The following CPA6 variants were observed in gnomAD, a reference collection of about 807,000 sequenced individuals.
CPA6 encodes the protein carboxypeptidase A6.
Under a neutral mutation model 63.3 loss-of-function variants are expected in CPA6, and 58 were observed. That is an observed-to-expected ratio of 0.92 (90% confidence interval 0.74 to 1.14). CPA6 has a LOEUF of 1.14. Among genes scored for constraint, CPA6 ranks in the 50% most tolerant of loss-of-function variants. CPA6 has a pLI of 0.00. For missense variants in CPA6, 565 were observed against 526.6 expected, an observed-to-expected ratio of 1.07 and a Z score of -0.71; for synonymous variants, 185 against 179.0, an observed-to-expected ratio of 1.03 and a Z score of -0.27.
intron 2 of CPA6, among the ~76,000 whole-genome samples, chr8:67,603,493 A>G (rs1814548573): frequency 6.6e-6 from 1 of 152,240 alleles, no homozygotes; most frequent in Non-Finnish European, 1.5e-5. Flanking sequence ...GACAGGATCT[A>G]TATGTTTAAA....
At chr8:67,634,038 G>A (rs1430084118) in intron 1 of CPA6, among the ~76,000 whole-genome samples, 1 of 146,628 alleles carries the variant, frequency 6.8e-6, no homozygotes, top group Non-Finnish European at 1.5e-5. Flanking sequence ...GAATGTGACT[G>A]CATTTGAAGA....
At chr8:67,477,912 C>T (rs1390851351) in intron 8 of CPA6, among the ~76,000 whole-genome samples, 2 of 152,218 alleles carry the variant, frequency 1.3e-5, no homozygotes, top group Non-Finnish European at 2.9e-5. Context: ...ATTTGGTCTT[C>T]ATCCTGTTTC....
At chr8:67,493,547 A>G (rs1212753049) in intron 6 of CPA6, among the ~76,000 whole-genome samples, 1 of 152,146 alleles carries the variant, frequency 6.6e-6, no homozygotes, top group Non-Finnish European at 1.5e-5. Context: ...AAAGTCTCCT[A>G]TTCTTATTTT....
intron 2 of CPA6, among the ~76,000 whole-genome samples, chr8:67,543,805 A>G (rs1812758043): frequency 1.4e-5 from 1 of 71,634 alleles, no homozygotes; most frequent in Non-Finnish European, 3.7e-5. Flanking sequence ...TTTTTAAGAG[A>G]CAGGGTCTTG....
At chr8:67,461,114 G>A (rs1216171880) in intron 8 of CPA6, among the ~76,000 whole-genome samples, 64 of 148,238 alleles carry the variant, frequency 4.3e-4, no homozygotes, top group African/African-American at 1.5e-3. Context: ...CGCAGAGGGG[G>A]ATTTGGCAGG....
chr8:67,671,651 G>C (rs1357096967), intron 1 of CPA6, among the ~76,000 whole-genome samples: 2 of 152,066 alleles, frequency 1.3e-5, no homozygotes, highest in Non-Finnish European at 2.9e-5. Flanking sequence ...GAAGCAGAAG[G>C]CTTCTGAAAA....
chr8:67,455,663 C>CCAAAAAA (rs1810655966), intron 8 of CPA6, among the ~76,000 whole-genome samples: 1 of 30,250 alleles, frequency 3.3e-5, no homozygotes, highest in African/African-American at 1.6e-4. Context: ...TCTACAAAAG[C>CCAAAAAA]AAAAAAAAAA....
chr8:67,629,640 G>A (rs780741254), intron 1 of CPA6, among the ~76,000 whole-genome samples: 1 of 152,120 alleles, frequency 6.6e-6, no homozygotes, highest in Non-Finnish European at 1.5e-5. Flanking sequence ...GCAGTGGTGG[G>A]TTAAATCAAG....
At chr8:67,681,215 T>A (rs1563390605) in intron 1 of CPA6, among the ~76,000 whole-genome samples, 1 of 117,624 alleles carries the variant, frequency 8.5e-6, no homozygotes, top group Non-Finnish European at 1.7e-5. Context: ...TTTTTTTTTT[T>A]TTTTTGAGAC....
intron 8 of CPA6, among the ~76,000 whole-genome samples, chr8:67,476,546 TCTCTCTC>T (rs1325867762): frequency 1.6e-5 from 2 of 123,030 alleles, no homozygotes; most frequent in Non-Finnish European, 3.2e-5. Flanking sequence ...AATCTCTCTC[TCTCTCTC>T]TTTTTTTTTT....
intron 1 of CPA6, among the ~76,000 whole-genome samples, chr8:67,673,327 G>A (rs1816389743): frequency 6.7e-6 from 1 of 148,790 alleles, no homozygotes; most frequent in Non-Finnish European, 1.5e-5. Context: ...AGTGTTGCAT[G>A]ATTTTTATTT....
chr8:67,691,683 G>A (rs1816817412), intron 1 of CPA6, among the ~76,000 whole-genome samples: 1 of 152,138 alleles, frequency 6.6e-6, no homozygotes, highest in South Asian at 2.1e-4. Flanking sequence ...AAATATCTCT[G>A]TAAAATACCT....
chr8:67,680,338 CA>C (rs34898956), intron 1 of CPA6, among the ~76,000 whole-genome samples: 1 of 151,730 alleles, frequency 6.6e-6, no homozygotes, highest in Non-Finnish European at 1.5e-5. Context: ...CCCATTTCTA[CA>C]AAAAAATGAA....
chr8:67,432,953 T>C (rs1370026880), intron 9 of CPA6, among the ~76,000 whole-genome samples: 1 of 152,200 alleles, frequency 6.6e-6, no homozygotes. Flanking sequence ...AGGGCAGTCA[T>C]GTGGGACTGA....
intron 1 of CPA6, among the ~76,000 whole-genome samples, chr8:67,733,287 C>T (rs1203732079): frequency 6.6e-6 from 1 of 150,990 alleles, no homozygotes; most frequent in East Asian, 2.0e-4. Flanking sequence ...GCCCCACCCC[C>T]AGAACTCCTG....
At position 67,700,925 on chromosome 8, in the gene CPA6, G is replaced by A. The variant is rs144423375; in HGVS notation, c.116+45089C>T. Among the ~76,000 whole-genome samples, 540 of 151,940 alleles carry A rather than the reference G, an allele frequency of 3.6e-3. 3 individuals are homozygous for A. Among genetic ancestry groups the A allele is most frequent in the African/African-American group, 0.012 (505 of 41,452 alleles). On this transcript the variant is annotated intron_variant, in intron 1 of 10. Transcript: ENST00000297770. ...ATATTCTCCAACTAACCTTCTTTATGCCAGAAACACATAAAGATATGACAA... is the reference window on the plus strand; with the variant it reads ...ATATTCTCCAACTAACCTTCTTTATACCAGAAACACATAAAGATATGACAA...
chr8:67,473,037 C>T (rs577616769), intron 8 of CPA6, among the ~76,000 whole-genome samples: 1 of 152,260 alleles, frequency 6.6e-6, no homozygotes, highest in East Asian at 1.9e-4. Context: ...ATGATTTTTG[C>T]ATATAATCAG....
intron 1 of CPA6, among the ~76,000 whole-genome samples, chr8:67,637,831 T>A (rs910739556): frequency 6.6e-6 from 1 of 151,482 alleles, no homozygotes; most frequent in Non-Finnish European, 1.5e-5. Context: ...GCTCAGTAGA[T>A]TGATGGCCAT....
At chr8:67,514,394 C>T (rs1249905529) in intron 3 of CPA6, among the ~76,000 whole-genome samples, 1 of 152,156 alleles carries the variant, frequency 6.6e-6, no homozygotes, top group Non-Finnish European at 1.5e-5. Context: ...CACATTATCT[C>T]CACTTTAAAA....
Sources: gnomAD v4.1 joint callset for allele counts (sites outside exome capture counted in the v4.1 genomes callset) on GRCh38, gnomAD v4.1.1 for gene constraint, MANE v1.5 for transcripts, NCBI Gene and HGNC (gene_info 2026-07-23, HGNC 2026-07-21) for gene names.